The following ZYG11A variants were observed in gnomAD, a reference collection of about 807,000 sequenced individuals.
ZYG11A encodes zyg-11 family member A, cell cycle regulator, also known as protein zyg-11 homolog A.
ZYG11A carries 62 observed loss-of-function variants against 77.2 expected under a neutral mutation model. That is an observed-to-expected ratio of 0.80 (90% CI 0.65 to 0.99). ZYG11A has a LOEUF of 0.99. ZYG11A is among the 50% of genes least tolerant of loss of function. The pLI, the probability that ZYG11A is intolerant of heterozygous loss-of-function variation, is 0.00. For synonymous variants in ZYG11A, 315 were observed against 324.6 expected, an observed-to-expected ratio of 0.97 and a Z score of 0.32; for missense variants, 828 against 896.8, an observed-to-expected ratio of 0.92 and a Z score of 0.98.
At chr1:52,874,204 G>C (rs1460682933) in intron 8 of ZYG11A, among the ~76,000 whole-genome samples, 1 of 150,846 alleles carries the variant, frequency 6.6e-6, no homozygotes, top group Non-Finnish European at 1.5e-5. Flanking sequence ...CTTGCTGAAG[G>C]CTCAGGTGGT....
chr1:52,869,976 C>A (rs1458881864), intron 8 of ZYG11A, among the ~76,000 whole-genome samples: 1 of 150,236 alleles, frequency 6.7e-6, no homozygotes, highest in African/African-American at 2.4e-5. Context: ...CCCCCCCCAC[C>A]CCCCTCCCGG....
rs565774109 is a variant in ZYG11A, at chr1:52,842,905, G to A, written c.22G>A (p.Gly8Ser). MVHFLHP[G>S]HTPRNIVPPD... ...TGCCATGGTTCATTTCTTGCACCCG[G>A]GCCACACGCCCCGGAACATCGTCCC... Residue 8 changes from glycine to serine, a missense_variant, in exon 1 of 14, where the codon GGC becomes AGC. Gly to Ser is a moderately conservative substitution (Grantham distance 56, BLOSUM62 0). Coordinates refer to ENST00000371528, the MANE Select transcript of ZYG11A (RefSeq NM_001004339.3). The A allele has an allele frequency of 8.4e-5, 129 of 1,531,350 alleles. 1 individual carries two copies. In the East Asian group the frequency reaches 3.3e-3, roughly 39 times the overall value. The allele number at this position is 1,531,350 out of a possible 1,614,324, so 94.9% of individuals were successfully genotyped here. A position where few individuals can be genotyped will look rare whatever the true frequency, so the allele number is the denominator to read the frequency against.
chr1:52,857,459 T>TG lies in ZYG11A; in HGVS notation c.719dup (p.Cys240TrpfsTer14). 6.4e-7 allele frequency: 1 copy of TG among 1,552,252 alleles called. No individual in the cohort carries two copies. The highest frequency in any genetic ancestry group is 8.7e-7 in the Non-Finnish European group (1 of 1,147,116). ...GTCTCTCACAATGCACTATCTGAAATGCCTGGCCATGACCAAATCACAAAT... is the reference window on the plus strand; with the variant it reads ...GTCTCTCACAATGCACTATCTGAAATGGCCTGGCCATGACCAAATCACAAAT... On this transcript the variant is annotated frameshift_variant, in exon 3 of 14. Coordinates refer to ENST00000371528, the MANE Select transcript of ZYG11A (RefSeq NM_001004339.3). LOFTEE classifies it high-confidence loss of function.
intron 10 of ZYG11A, among the ~76,000 whole-genome samples, chr1:52,880,066 CTTTTTTTTTT>C (rs10682296): frequency 1.8e-5 from 2 of 110,122 alleles, no homozygotes; most frequent in South Asian, 6.3e-4. Context: ...ACCCAGCCCA[CTTTTTTTTTT>C]TTTTTTTTTT....
rs1646054324 is a variant in ZYG11A, at chr1:52,867,794, G to C, written c.1542+17G>C. ...GCAGTTAAGGTAGGTTCCTTGTCAT[G>C]TTCATAACCTTTTTTTAAAAAAAGT... On this transcript the variant is annotated intron_variant, in intron 8 of 13. Coordinates refer to ENST00000371528, the MANE Select transcript of ZYG11A (RefSeq NM_001004339.3). 6.5e-7 allele frequency: 1 copy of C among 1,539,480 alleles called. No homozygotes were observed. The highest frequency in any genetic ancestry group is 8.7e-7 in the Non-Finnish European group (1 of 1,143,344).
chr1:52,847,970 C>T (rs189292130), intron 1 of ZYG11A, among the ~76,000 whole-genome samples: 44 of 152,090 alleles, frequency 2.9e-4, no homozygotes, highest in African/African-American at 9.2e-4. Flanking sequence ...CCCTTGTTCA[C>T]GCCATTCTCC....
intron 1 of ZYG11A, among the ~76,000 whole-genome samples, chr1:52,846,015 C>T (rs1210827555): frequency 1.3e-5 from 2 of 151,902 alleles, no homozygotes; most frequent in Non-Finnish European, 2.9e-5. Context: ...GTTAAGTCTA[C>T]TGTGTTGCTA....
rs1646246380 is a variant in ZYG11A, at chr1:52,875,593, G to T, written c.1543-2089G>T. ...AAATGCAAGTAGGTTGGTAGCTTTT[G>T]TTAGGAAGAGTGGGTGTATTTCTCA... is the stretch of plus-strand genomic sequence containing the variant. On this transcript the variant is annotated intron_variant, in intron 8 of 13. Transcript: ENST00000371528. Among the ~76,000 whole-genome samples the T allele has an allele frequency of 2.0e-5, 3 of 152,024 alleles. No homozygotes were observed. The South Asian group carries it at 6.3e-4, about 32-fold the overall frequency.
rs777712296 is a variant in ZYG11A, at chr1:52,893,076, G to A, written c.*119G>A. On this transcript the variant is annotated 3_prime_UTR_variant, in exon 14 of 14. Coordinates refer to ENST00000371528, the MANE Select transcript of ZYG11A (RefSeq NM_001004339.3). ...TTGGCTGTCTCATTGGCCTTTGATT[G>A]TTGATTTTATATATGTTACAAAAGG... 56 of 877,020 alleles carry A rather than the reference G, an allele frequency of 6.4e-5. No homozygotes were observed. In the African/African-American group the frequency reaches 8.6e-4, roughly 14 times the overall value. The allele number at this position is 877,020 out of a possible 1,614,324, so 54.3% of individuals were successfully genotyped here.
chr1:52,843,688 C>CTTTCTT (rs1645501176), intron 1 of ZYG11A, among the ~76,000 whole-genome samples: 1 of 130,516 alleles, frequency 7.7e-6, no homozygotes, highest in African/African-American at 3.0e-5. Flanking sequence ...TTCTTTCTTT[C>CTTTCTT]TTTTTTTTTT....
At chr1:52,870,022 C>T (rs1198847854) in intron 8 of ZYG11A, among the ~76,000 whole-genome samples, 1 of 150,878 alleles carries the variant, frequency 6.6e-6, no homozygotes, top group Non-Finnish European at 1.5e-5. Flanking sequence ...CTCCTCACTT[C>T]TCAGACGGGG....
At chr1:52,872,882 C>CAAAAA (rs59422649) in intron 8 of ZYG11A, among the ~76,000 whole-genome samples, 29 of 111,964 alleles carry the variant, frequency 2.6e-4, no homozygotes, top group Admixed American at 3.2e-4. Context: ...GACTCTGTCT[C>CAAAAA]AAAAAAAAAA....
chr1:52,880,439 TC>T (rs1464215736), intron 10 of ZYG11A, among the ~76,000 whole-genome samples: 1 of 152,192 alleles, frequency 6.6e-6, no homozygotes, highest in African/African-American at 2.4e-5. Context: ...AGACAGACTC[TC>T]CCAGTGATTC....
chr1:52,861,261 G>A (rs1645921610), intron 4 of ZYG11A, among the ~76,000 whole-genome samples: 1 of 152,218 alleles, frequency 6.6e-6, no homozygotes, highest in Admixed American at 6.5e-5. Context: ...GGAAGGATGC[G>A]TTTTATTGTA....
chr1:52,850,916 G>T (rs13375869), intron 1 of ZYG11A, among the ~76,000 whole-genome samples: 1,954 of 152,214 alleles, frequency 0.013, 26 homozygotes, highest in African/African-American at 0.03. Flanking sequence ...GGTTATTTCA[G>T]TTATTTTGGG....
rs78953566 is a variant in ZYG11A at position 52,854,439 on chromosome 1, A to T, written c.91-26A>T. ...AATTGTTGCAGATGTATTCTAACAA[A>T]GTTTGTTTGGGGTTTTGTTTGCTAG... On this transcript the variant is annotated intron_variant, in intron 1 of 13. Transcript: ENST00000371528. 1,621 of 1,518,070 alleles carry T rather than the reference A, an allele frequency of 1.1e-3. 20 individuals carry two copies. In the African/African-American group the frequency reaches 0.02, roughly 19 times the overall value. 94.0% of individuals were successfully genotyped at this position (1,518,070 alleles called of 1,614,324 possible).
Position 52,857,596 on chromosome 1 carries a change from C to T in ZYG11A, c.855C>T (p.Pro285=). ...TGCTACAGCAGAAGGATATCCTGCC[C>T]AATGTTGTGTCATTGGATATTTCTG... ...FHLLQQKDIL[P]NVVSLDISGG... Residue 285 remains proline (P), a synonymous_variant, in exon 3 of 14, where the codon CCC becomes CCT. Coordinates refer to ENST00000371528, the MANE Select transcript of ZYG11A (RefSeq NM_001004339.3). 6.4e-7 allele frequency: 1 copy of T among 1,551,918 alleles called. No homozygotes were observed. Among genetic ancestry groups the T allele is most frequent in the Non-Finnish European group, 8.7e-7 (1 of 1,147,042 alleles).
At chr1:52,860,209 G>A (rs1645901020) in intron 3 of ZYG11A, among the ~76,000 whole-genome samples, 4 of 151,994 alleles carry the variant, frequency 2.6e-5, no homozygotes, top group Admixed American at 2.6e-4. Flanking sequence ...ATAACGTTGA[G>A]TCTCATGTTG....
intron 10 of ZYG11A, among the ~76,000 whole-genome samples, chr1:52,880,552 A>T (rs1367648238): frequency 2.0e-5 from 3 of 152,090 alleles, no homozygotes; most frequent in Non-Finnish European, 4.4e-5. Context: ...TATCACTCCC[A>T]TGATTATGTT....
Sources: allele counts gnomAD v4.1 joint callset (sites outside exome capture counted in the v4.1 genomes callset), GRCh38; gene constraint gnomAD v4.1.1; transcripts MANE v1.5; gene names NCBI Gene and HGNC (gene_info 2026-07-23, HGNC 2026-07-21).